Variants in MXRA5 observed in about 807,000 individuals in gnomAD.
The protein encoded by MXRA5 is matrix remodeling associated 5.
MXRA5 carries 41 observed loss-of-function variants against 112.5 expected under a neutral mutation model. The ratio of observed to expected loss-of-function variants is 0.36; its 90% CI spans 0.28 to 0.47. MXRA5 has a LOEUF of 0.47. Among genes scored for constraint, MXRA5 ranks in the 20% least tolerant of loss-of-function variants. The probability of loss-of-function intolerance (pLI) is 0.99; values close to 1 mark genes in which losing one functional copy is unlikely to be tolerated. For synonymous variants in MXRA5, 862 were observed against 900.8 expected (o/e 0.96, Z 0.77); for missense variants, 2,150 against 2,251.0 (o/e 0.96, Z 0.91).
chrX:3,326,907 C>T (rs188507152), intron 4 of MXRA5, among the ~76,000 whole-genome samples: 1 of 111,847 alleles, frequency 8.9e-6, no homozygotes, highest in East Asian at 2.8e-4. Flanking sequence ...CAAACACATT[C>T]CGTGAGTTCC....
At chrX:3,319,093 A>G (rs1921229183) in intron 5 of MXRA5, among the ~76,000 whole-genome samples, 1 of 111,663 alleles carries the variant, frequency 9.0e-6, no homozygotes, top group African/African-American at 3.3e-5. Flanking sequence ...TTAATTAAAG[A>G]GTATGAAGTT....
rs201845453 is a variant in MXRA5, at chrX:3,310,354, C to T, written c.7849G>A (p.Val2617Met). 314 of 1,202,479 alleles carry T rather than the reference C, an allele frequency of 2.6e-4. 1 individual carries two copies. The highest frequency in any genetic ancestry group is 4.8e-4 in the Middle Eastern group (2 of 4,205). Residue 2617 changes from valine to methionine, a missense_variant, in exon 7 of 7, where the codon GTG (valine) becomes ATG (methionine). Val to Met is a conservative substitution (Grantham distance 21, BLOSUM62 1). Transcript: ENST00000217939. ...SSVDAGAYRCVARNAAGHTER... is the reference protein window; with the variant it reads ...SSVDAGAYRCMARNAAGHTER... ...GTGTGGCCAGCGGCATTGCGGGCCA[C>T]GCAGCGGTAGGCCCCGGCGTCCACC...
At position 3,321,509 on chromosome X, in the gene MXRA5, C is replaced by T. The variant is rs774537357; in HGVS notation, c.4176G>A (p.Gln1392=). The T allele has an allele frequency of 4.1e-6, 5 of 1,208,974 alleles. No homozygotes were observed. Among genetic ancestry groups the T allele is most frequent in the Non-Finnish European group, 5.6e-6 (5 of 894,761 alleles). The change falls in exon 5 of 7, where the codon CAG becomes CAA. Residue 1392 remains glutamine (Q), a synonymous_variant. Transcript: ENST00000217939. ...PSRTAQPGRL[Q]TGIPVTTSGE... is the part of the protein sequence containing the mutation. ...CAGAAGTGGTAACAGGTATGCCTGTCTGTAGCCTCCCAGGCTGGGCCGTCC... is the reference window on the plus strand; with the variant it reads ...CAGAAGTGGTAACAGGTATGCCTGTTTGTAGCCTCCCAGGCTGGGCCGTCC...
At chrX:3,330,842 C>T (rs1921648164) in intron 2 of MXRA5, 69 bp from the exon 3 acceptor site, 2 of 792,566 alleles carry the variant, frequency 2.5e-6, no homozygotes, top group Admixed American at 3.8e-5. Context: ...TACTTAACTC[C>T]CATATGGGAA....
In MXRA5 at chrX:3,324,235, C is replaced by A; in HGVS notation, c.1450G>T (p.Ala484Ser). 1 of 1,211,693 alleles carries A rather than the reference C, an allele frequency of 8.3e-7. No homozygotes were observed. Among genetic ancestry groups the A allele is most frequent in the Non-Finnish European group, 1.1e-6 (1 of 895,441 alleles). ...RSWVMIEPSG[A>S]VQRDQTVLEG... The stretch of plus-strand genomic sequence containing the variant: ...AGGACAGTCTGATCTCTTTGCACAG[C>A]TCCACTAGGCTCAATCATTACCCAG... Residue 484 changes from alanine (A) to serine (S), a missense_variant, in exon 5 of 7, where the codon GCT becomes TCT. Physicochemically the swap from Ala to Ser is moderately conservative, Grantham distance 99. Coordinates refer to ENST00000217939, the MANE Select transcript of MXRA5 (RefSeq NM_015419.4).
intron 6 of MXRA5, among the ~76,000 whole-genome samples, chrX:3,313,219 C>A (rs759108510): frequency 8.9e-6 from 1 of 112,527 alleles, no homozygotes; most frequent in East Asian, 2.8e-4. Flanking sequence ...GCCTGTGCAT[C>A]GTGAGAGATT....
intron 6 of MXRA5, among the ~76,000 whole-genome samples, chrX:3,313,134 C>G (rs1921012590): frequency 1.8e-5 from 2 of 112,519 alleles, no homozygotes; most frequent in South Asian, 7.4e-4. Context: ...TGTAAACATT[C>G]TGAGGCTTCC....
chrX:3,326,358 ACT>A (rs1298324144), intron 4 of MXRA5, among the ~76,000 whole-genome samples: 10 of 98,455 alleles, frequency 1.0e-4, no homozygotes, highest in Admixed American at 2.5e-4. Context: ...TATATTTATA[ACT>A]CTGTATATTT....
rs748903984 is a variant in MXRA5, at chrX:3,330,684, C to T, written c.278G>A (p.Ser93Asn). ...LLMIHGNEIP[S>N]IPDGALRDLS... ...GTCTCTTAAAGCTCCATCGGGGATG[C>T]TTGGGATCTCATTGCCGTGAATCAT... The change falls in exon 3 of 7, where the codon AGC becomes AAC. Residue 93 changes from serine (S) to asparagine (N), a missense_variant. By Grantham distance (46) the Ser-to-Asn change is conservative. This residue lies in a region of MXRA5 where 386 missense variants were observed against 411.0 expected (regional missense o/e 0.94). Coordinates refer to ENST00000217939, the MANE Select transcript of MXRA5 (RefSeq NM_015419.4). The T allele has an allele frequency of 5.9e-5, 71 of 1,207,383 alleles. No homozygotes were observed. In the South Asian group the frequency reaches 1.2e-3, roughly 21 times the overall value.
In MXRA5 at chrX:3,324,938, G is replaced by T; in HGVS notation, c.747C>A (p.Gly249=). The T allele has an allele frequency of 2.5e-6, 3 of 1,189,440 alleles. No individual in the cohort carries two copies. In the South Asian group the frequency reaches 5.6e-5, roughly 22 times the overall value. ...LKCKKDKAYE[G]GQLCAMCFSP... is the part of the protein sequence containing the mutation. ...TGAAGCACATTGCACACAACTGACC[G>T]CCTTCATAAGCTTTGTCCTTTTTAC... The change falls in exon 5 of 7, where the codon GGC becomes GGA. Residue 249 remains glycine, a synonymous_variant. Transcript: ENST00000217939.
In MXRA5 at chrX:3,323,094, CCCA is replaced by C. The variant is rs752649674; in HGVS notation, c.2588_2590del (p.Met863_Gly864delinsArg). The C allele has an allele frequency of 8.3e-7, 1 of 1,209,558 alleles. No individual in the cohort carries two copies. The highest frequency in any genetic ancestry group is 1.1e-6 in the Non-Finnish European group (1 of 895,218). On this transcript the variant is annotated inframe_deletion, in exon 5 of 7. Coordinates refer to ENST00000217939, the MANE Select transcript of MXRA5 (RefSeq NM_015419.4). ...AACTCCATTGTGGTTGTGTTCTAGC[CCCA>C]TGCTGGCTGAGGAAATGGTACCCAA...
intron 2 of MXRA5, among the ~76,000 whole-genome samples, chrX:3,341,104 A>ATATTATG (rs1921920528): frequency 6.3e-5 from 2 of 31,924 alleles, no homozygotes; most frequent in Non-Finnish European, 1.1e-4. Flanking sequence ...GTTATACATA[A>ATATTATG]TATAATATAA....
Position 3,317,962 on chromosome X carries a change from C to T in MXRA5, c.5719G>A (p.Val1907Ile), listed in dbSNP as rs370156114. ...TPNTRIQRFEVLKNGTLVIRK... is the reference protein window; with the variant it reads ...TPNTRIQRFEILKNGTLVIRK... ...ATCACTAAGGTACCGTTCTTGAGAA[C>T]CTCAAACCGTTGTATCCTGGTATTC... is the stretch of plus-strand genomic sequence containing the variant. Residue 1907 changes from valine to isoleucine, a missense_variant, in exon 6 of 7, where the codon GTT (valine) becomes ATT (isoleucine). By Grantham distance (29) the Val-to-Ile change is conservative. Coordinates refer to ENST00000217939, the MANE Select transcript of MXRA5 (RefSeq NM_015419.4). 1.5e-5 allele frequency: 18 copies of T among 1,207,005 alleles called. No homozygotes were observed. Among genetic ancestry groups the T allele is most frequent in the Non-Finnish European group, 1.7e-5 (15 of 892,986 alleles).
rs1603467749 is a variant in MXRA5, at chrX:3,311,080, T to A, written c.7123A>T (p.Met2375Leu). The A allele has an allele frequency of 8.3e-7, 1 of 1,211,573 alleles. No homozygotes were observed. Among genetic ancestry groups the A allele is most frequent in the Non-Finnish European group, 1.1e-6 (1 of 895,529 alleles). Residue 2375 changes from methionine (M) to leucine (L), a missense_variant, in exon 7 of 7, where the codon ATG (methionine) becomes TTG (leucine). This residue lies in a region of MXRA5 where 1,485 missense variants were observed against 1,471.6 expected (regional missense o/e 1.01). Coordinates refer to ENST00000217939, the MANE Select transcript of MXRA5 (RefSeq NM_015419.4). ...TVACEAKGEP[M>L]PKVTWLSPTN... ...GGGGACAACCAAGTCACCTTGGGCATGGGTTCTCCTTTGGCCTCACAGGCT... is the reference window on the plus strand; with the variant it reads ...GGGGACAACCAAGTCACCTTGGGCAAGGGTTCTCCTTTGGCCTCACAGGCT...
rs1342582531 is a variant in MXRA5 at position 3,324,922 on chromosome X, T to C, written c.763A>G (p.Met255Val). The C allele has an allele frequency of 6.6e-6, 8 of 1,204,319 alleles. No homozygotes were observed. In the Admixed American group the frequency reaches 1.8e-4, roughly 27 times the overall value. ...KAYEGGQLCA[M>V]CFSPKKLYKH... ...TACAACTTCTTTGGACTGAAGCACA[T>C]TGCACACAACTGACCGCCTTCATAA... The change falls in exon 5 of 7, where the codon ATG becomes GTG. Residue 255 changes from methionine to valine, a missense_variant. This residue lies in a region of MXRA5 where 386 missense variants were observed against 411.0 expected (regional missense o/e 0.94). Transcript: ENST00000217939.
In MXRA5 at chrX:3,324,988, A is replaced by C; in HGVS notation, c.710-13T>G. The C allele has an allele frequency of 8.6e-7, 1 of 1,159,207 alleles. No homozygotes were observed. Among genetic ancestry groups the C allele is most frequent in the Non-Finnish European group, 1.1e-6 (1 of 873,088 alleles). On this transcript the variant is annotated splice_polypyrimidine_tract_variant and intron_variant, in intron 4 of 6. Coordinates refer to ENST00000217939, the MANE Select transcript of MXRA5 (RefSeq NM_015419.4). ...CACTTCAGAATTCCTAAAACAAATA[A>C]GCAAATAGACAATAGGGTAAGGAGC...
rs1466266447 is a variant in MXRA5 at position 3,345,255 on chromosome X, C to G, written c.-29+1260G>C. On this transcript the variant is annotated intron_variant, in intron 1 of 6. Transcript: ENST00000217939. ...TCTCTTAAGCCCGGGGGCGCGTCTCCCTTCAGCTGCCCATAAAGAACTGAT... is the reference window on the plus strand; with the variant it reads ...TCTCTTAAGCCCGGGGGCGCGTCTCGCTTCAGCTGCCCATAAAGAACTGAT... 4.4e-5 allele frequency among the ~76,000 whole-genome samples: 5 copies of G among 113,254 alleles called. No homozygotes were observed. In the East Asian group the frequency reaches 1.4e-3, roughly 32 times the overall value.
Position 3,317,587 on chromosome X carries a change from C to G in MXRA5, c.6094G>C (p.Gly2032Arg). ...VYKCVASNAA[G>R]ADSLAIRLHV... The stretch of plus-strand genomic sequence containing the variant: ...AGGCGGATGGCCAGGCTGTCCGCCC[C>G]GGCTGCATTGCTGGCCACGCACTTA... Residue 2032 changes from glycine to arginine, a missense_variant, in exon 6 of 7, where the codon GGG becomes CGG. Physicochemically the swap from Gly to Arg is moderately radical, Grantham distance 125. This residue lies in a region of MXRA5 where 1,485 missense variants were observed against 1,471.6 expected (regional missense o/e 1.01). Coordinates refer to ENST00000217939, the MANE Select transcript of MXRA5 (RefSeq NM_015419.4). The G allele has an allele frequency of 8.3e-7, 1 of 1,210,592 alleles. No individual in the cohort carries two copies. The highest frequency in any genetic ancestry group is 1.1e-6 in the Non-Finnish European group (1 of 895,123).
At chrX:3,334,130 C>T (rs1421540329) in intron 2 of MXRA5, among the ~76,000 whole-genome samples, 7 of 111,661 alleles carry the variant, frequency 6.3e-5, no homozygotes, top group East Asian at 2.8e-4. Flanking sequence ...TACAAGCACA[C>T]ACCACCACAC....
Sources: gnomAD v4.1 joint callset for allele counts (sites outside exome capture counted in the v4.1 genomes callset) on GRCh38, gnomAD v4.1.1 for gene constraint, gnomAD v4.1.1 regional missense constraint, MANE v1.5 for transcripts, NCBI Gene and HGNC (gene_info 2026-07-23, HGNC 2026-07-21) for gene names.